PSMB7: variants seen among roughly 807,000 people sequenced by gnomAD.
PSMB7 encodes proteasome subunit beta type-7.
In PSMB7, 5 loss-of-function variants were observed where a neutral mutation model predicts 28.1. The observed-to-expected ratio is 0.18, with a 90% CI of 0.09 to 0.37. PSMB7 has a LOEUF of 0.37. Among genes scored for constraint, PSMB7 ranks in the 10% least tolerant of loss-of-function variants. The pLI, the probability that PSMB7 is intolerant of heterozygous loss-of-function variation, is 1.00. For missense variants in PSMB7, 275 were observed against 346.2 expected (o/e 0.79, Z 1.63); for synonymous variants, 122 against 123.7 (o/e 0.99, Z 0.09).
intron 6 of PSMB7, among the ~76,000 whole-genome samples, chr9:124,382,906 T>C (rs912559931): frequency 6.6e-6 from 1 of 152,234 alleles, no homozygotes; most frequent in South Asian, 2.1e-4. Context: ...ATTCTCATTT[T>C]TCTTTAACAT....
At chr9:124,377,510 T>TA (rs1380970521) in intron 6 of PSMB7, among the ~76,000 whole-genome samples, 1 of 152,252 alleles carries the variant, frequency 6.6e-6, no homozygotes, top group Non-Finnish European at 1.5e-5. Flanking sequence ...CACACACAGT[T>TA]ACTTCTAAGA....
At chr9:124,366,133 C>T (rs1164018664) in intron 6 of PSMB7, among the ~76,000 whole-genome samples, 2 of 152,112 alleles carry the variant, frequency 1.3e-5, no homozygotes. Context: ...AGCTTATAGG[C>T]CAGGCATGAT....
chr9:124,364,246 T>C (rs1318768049), intron 6 of PSMB7, among the ~76,000 whole-genome samples: 1 of 152,114 alleles, frequency 6.6e-6, no homozygotes, highest in African/African-American at 2.4e-5. Flanking sequence ...CACAAGGCTG[T>C]GTACAAGCAG....
At chr9:124,410,759 T>C (rs934269304) in intron 4 of PSMB7, among the ~76,000 whole-genome samples, 8 of 152,128 alleles carry the variant, frequency 5.3e-5, no homozygotes, top group African/African-American at 2.4e-5. Context: ...TACAACCTCA[T>C]ATACACTACT....
At chr9:124,396,476 T>G (rs752259430) in intron 5 of PSMB7, among the ~76,000 whole-genome samples, 8 of 152,220 alleles carry the variant, frequency 5.3e-5, no homozygotes, top group Non-Finnish European at 8.8e-5. Context: ...TCCCACATCT[T>G]TCTCACTGCT....
intron 6 of PSMB7, among the ~76,000 whole-genome samples, chr9:124,383,441 C>T (rs1032815909): frequency 4.6e-5 from 7 of 152,108 alleles, no homozygotes; most frequent in East Asian, 1.9e-4. Flanking sequence ...GGGTAGGTAT[C>T]GCAGTTTCCA....
intron 6 of PSMB7, among the ~76,000 whole-genome samples, chr9:124,382,104 C>A (rs1486893640): frequency 6.7e-6 from 1 of 149,638 alleles, no homozygotes; most frequent in Non-Finnish European, 1.5e-5. Flanking sequence ...ACAAGAATTG[C>A]TTGAACCCAG....
chr9:124,364,524 GAAAAAAAA>G (rs10595510), intron 6 of PSMB7, among the ~76,000 whole-genome samples: 1 of 132,128 alleles, frequency 7.6e-6, no homozygotes, highest in Non-Finnish European at 1.6e-5. Flanking sequence ...TGTAATCAGA[GAAAAAAAA>G]AAAAAAAAAG....
In PSMB7 at chr9:124,356,119, C is replaced by T. The variant is rs1050347161; in HGVS notation, c.722+645G>A. 3.3e-5 allele frequency among the ~76,000 whole-genome samples: 5 copies of T among 152,144 alleles called. No homozygotes were observed. The highest frequency in any genetic ancestry group is 2.6e-4 in the Admixed American group (4 of 15,272). Reference sequence around the variant, plus strand: ...AGGAGCCACAGGATGGTCAAGCAGCCGGACAATCACGAGACACTGCAAACG... The same window carrying T: ...AGGAGCCACAGGATGGTCAAGCAGCTGGACAATCACGAGACACTGCAAACG... On this transcript the variant is annotated intron_variant, in intron 7 of 7. Coordinates refer to ENST00000259457, the MANE Select transcript of PSMB7 (RefSeq NM_002799.4). The surrounding 1 kb of genome is among the most constrained non-coding windows in gnomAD (Gnocchi z 4.4).
chr9:124,400,480 C>T (rs1225120161), intron 5 of PSMB7, among the ~76,000 whole-genome samples: 1 of 152,188 alleles, frequency 6.6e-6, no homozygotes, highest in Admixed American at 6.5e-5. Context: ...ATTCCACTGC[C>T]ATCTGAGCTG....
intron 5 of PSMB7, among the ~76,000 whole-genome samples, chr9:124,399,771 C>T (rs1830880794): frequency 6.6e-6 from 1 of 152,130 alleles, no homozygotes; most frequent in African/African-American, 2.4e-5. Flanking sequence ...TCTGTAATGA[C>T]AGTGGCCATC....
chr9:124,393,329 T>C (rs1327057581), intron 5 of PSMB7, among the ~76,000 whole-genome samples: 1 of 152,198 alleles, frequency 6.6e-6, no homozygotes, highest in African/African-American at 2.4e-5. Flanking sequence ...TCAGACAATC[T>C]TGCATCGCTT....
At chr9:124,402,910 G>T (rs1372527937) in intron 5 of PSMB7, among the ~76,000 whole-genome samples, 2 of 152,068 alleles carry the variant, frequency 1.3e-5, no homozygotes, top group Non-Finnish European at 2.9e-5. Context: ...GGTATCTGGG[G>T]ATAAATCATT....
Position 124,392,858 on chromosome 9 carries a change from C to T in PSMB7, c.512-8202G>A, listed in dbSNP as rs141856509. On this transcript the variant is annotated intron_variant, in intron 5 of 7. Transcript: ENST00000259457. ...CTAAAGAGCGGTCCATTTTAAGCAG[C>T]CAAGGACCTGTTTGCCACCATGGCC... Among the ~76,000 whole-genome samples, 639 of 152,296 alleles carry T rather than the reference C, an allele frequency of 4.2e-3. 7 individuals are homozygous for T. Among genetic ancestry groups the T allele is most frequent in the African/African-American group, 0.015 (609 of 41,552 alleles).
chr9:124,386,453 G>C (rs578105161), intron 5 of PSMB7, among the ~76,000 whole-genome samples: 7 of 152,340 alleles, frequency 4.6e-5, no homozygotes, highest in Admixed American at 1.3e-4. Flanking sequence ...AGACTTACTA[G>C]TAAAAGCAAG....
chr9:124,361,961 G>A (rs921829135), intron 6 of PSMB7, among the ~76,000 whole-genome samples: 3 of 152,208 alleles, frequency 2.0e-5, no homozygotes, highest in African/African-American at 7.2e-5. Context: ...ATGTAGCTGT[G>A]CCAGCCAATG....
At chr9:124,353,967 C>T (rs952420309) in intron 7 of PSMB7, among the ~76,000 whole-genome samples, 1 of 152,150 alleles carries the variant, frequency 6.6e-6, no homozygotes, top group Non-Finnish European at 1.5e-5. Flanking sequence ...GACTCTCCCC[C>T]CACCCCACCA....
chr9:124,370,362 A>G (rs1040595669), intron 6 of PSMB7, among the ~76,000 whole-genome samples: 1 of 125,220 alleles, frequency 8.0e-6, no homozygotes, highest in Non-Finnish European at 1.7e-5. Flanking sequence ...GCTGTCATGG[A>G]AAAAAAAAAA....
chr9:124,406,785 G>A (rs1360944301), intron 4 of PSMB7, among the ~76,000 whole-genome samples: 3 of 152,012 alleles, frequency 2.0e-5, no homozygotes, highest in African/African-American at 7.3e-5. Context: ...GCACATATTT[G>A]TTCCTTTGGA....
Sources: gnomAD v4.1 joint callset for allele counts (sites outside exome capture counted in the v4.1 genomes callset) on GRCh38, gnomAD v4.1.1 for gene constraint, Gnocchi (gnomAD v3.1) non-coding constraint, MANE v1.5 for transcripts, NCBI Gene and HGNC (gene_info 2026-07-23, HGNC 2026-07-21) for gene names.